Variants in ADAMTS16 observed in about 807,000 individuals in gnomAD.
The protein encoded by ADAMTS16 is A disintegrin and metalloproteinase with thrombospondin motifs 16.
In ADAMTS16, 94 loss-of-function variants were observed where a neutral mutation model predicts 145.8. That is an observed-to-expected ratio of 0.64 (90% CI 0.55 to 0.77). The LOEUF is 0.77. Among genes scored for constraint, ADAMTS16 ranks in the 30% least tolerant of loss-of-function variants. The pLI, the probability that ADAMTS16 is intolerant of heterozygous loss-of-function variation, is 0.00. For missense variants in ADAMTS16, 1,585 were observed against 1,591.5 expected (o/e 1.00, Z 0.07); for synonymous variants, 659 against 604.3 (o/e 1.09, Z -1.33).
At chr5:5,263,905 C>T (rs953253321) in intron 18 of ADAMTS16, among the ~76,000 whole-genome samples, 1 of 152,146 alleles carries the variant, frequency 6.6e-6, no homozygotes, top group Non-Finnish European at 1.5e-5. Context: ...AGAATGAGGT[C>T]ATGCTTGACC....
intron 10 of ADAMTS16, among the ~76,000 whole-genome samples, chr5:5,221,355 G>A (rs1358017388): frequency 1.3e-5 from 2 of 152,010 alleles, no homozygotes; most frequent in African/African-American, 4.8e-5. Context: ...ACATACCCGG[G>A]TGCTCGCAGC....
intron 2 of ADAMTS16, among the ~76,000 whole-genome samples, chr5:5,145,494 A>G (rs1229980426): frequency 6.6e-6 from 1 of 152,194 alleles, no homozygotes; most frequent in Non-Finnish European, 1.5e-5. Context: ...GAAATTGGCA[A>G]ATGCCAAAAT....
intron 9 of ADAMTS16, among the ~76,000 whole-genome samples, chr5:5,200,604 C>A (rs955675087): frequency 1.3e-5 from 2 of 152,174 alleles, no homozygotes; most frequent in East Asian, 3.8e-4. Context: ...ATAGAAAGAT[C>A]GTACATGTAC....
At position 5,319,161 on chromosome 5, in the gene ADAMTS16, G is replaced by T; in HGVS notation, c.*23G>T. The T allele has an allele frequency of 6.4e-7, 1 of 1,553,148 alleles. No individual in the cohort carries two copies. The stretch of plus-strand genomic sequence containing the variant: ...TGAGTTGGGACCGCTCTCCGTAGCA[G>T]AGAAAGTGCCTGCGTGGCACAGAAA... On this transcript the variant is annotated 3_prime_UTR_variant, in exon 23 of 23. Coordinates refer to ENST00000274181, the MANE Select transcript of ADAMTS16 (RefSeq NM_139056.4).
chr5:5,140,827 C>G, intron 2 of ADAMTS16, 61 bp downstream of exon 2: 1 of 1,450,406 alleles, frequency 6.9e-7, no homozygotes, highest in South Asian at 1.3e-5. Context: ...ATCTCCGTGC[C>G]GCTGGTTTAT....
intron 21 of ADAMTS16, among the ~76,000 whole-genome samples, chr5:5,313,289 G>T (rs983955954): frequency 6.6e-6 from 1 of 152,218 alleles, no homozygotes; most frequent in African/African-American, 2.4e-5. Flanking sequence ...AATGGCCCGG[G>T]CCTGGCTGAA....
At chr5:5,280,564 G>A (rs185681799) in intron 18 of ADAMTS16, among the ~76,000 whole-genome samples, 3 of 152,270 alleles carry the variant, frequency 2.0e-5, no homozygotes, top group East Asian at 1.9e-4. Context: ...CTCTGGCTGA[G>A]GTTGGTATCC....
intron 21 of ADAMTS16, among the ~76,000 whole-genome samples, chr5:5,316,325 A>G (rs1486786961): frequency 6.6e-6 from 1 of 152,062 alleles, no homozygotes; most frequent in Non-Finnish European, 1.5e-5. Flanking sequence ...TTTTTCACCC[A>G]CCATGCACCA....
intron 3 of ADAMTS16, among the ~76,000 whole-genome samples, chr5:5,169,716 C>T (rs1283461429): frequency 6.6e-6 from 1 of 152,254 alleles, no homozygotes; most frequent in South Asian, 2.1e-4. Flanking sequence ...TCTGTGGCTC[C>T]TTTTTGAGTG....
At chr5:5,259,898 C>G (rs10475292) in intron 17 of ADAMTS16, among the ~76,000 whole-genome samples, 27,430 of 151,860 alleles carry the variant, frequency 0.18, 2,599 homozygotes, top group African/African-American at 0.19. Flanking sequence ...GTGTCATCCC[C>G]TTTCAAAGGC....
intron 20 of ADAMTS16, among the ~76,000 whole-genome samples, chr5:5,305,312 C>T (rs1210009261): frequency 9.3e-6 from 1 of 107,350 alleles, no homozygotes; most frequent in Non-Finnish European, 2.0e-5. Context: ...ACACATCCCA[C>T]ACCACACACA....
chr5:5,311,321 A>AAC (rs1172171529), intron 21 of ADAMTS16, among the ~76,000 whole-genome samples: 2 of 151,002 alleles, frequency 1.3e-5, no homozygotes, highest in African/African-American at 4.9e-5. Context: ...AAAAAAACAA[A>AAC]AAAACAAAAA....
chr5:5,198,927 C>G (rs1047816563), intron 8 of ADAMTS16, among the ~76,000 whole-genome samples: 2 of 152,206 alleles, frequency 1.3e-5, no homozygotes, highest in Non-Finnish European at 2.9e-5. Context: ...TTCCCTCTCT[C>G]TTGCCTTCCC....
intron 9 of ADAMTS16, 32 bp from the exon 10 acceptor site, chr5:5,209,061 G>A (rs1478992134): frequency 1.2e-6 from 2 of 1,602,490 alleles, no homozygotes; most frequent in South Asian, 1.1e-5. Flanking sequence ...TCTACGGGCA[G>A]TTACTAGTAG....
At chr5:5,212,102 C>A (rs1208586587) in intron 10 of ADAMTS16, among the ~76,000 whole-genome samples, 1 of 151,976 alleles carries the variant, frequency 6.6e-6, no homozygotes, top group Admixed American at 6.6e-5. Context: ...CCTACTTGTT[C>A]CACCAGTTTT....
intron 17 of ADAMTS16, among the ~76,000 whole-genome samples, chr5:5,244,635 A>G (rs1391030214): frequency 6.6e-6 from 1 of 152,202 alleles, no homozygotes; most frequent in African/African-American, 2.4e-5. Context: ...TCCCATTCTT[A>G]TGTCACCCCA....
intron 10 of ADAMTS16, among the ~76,000 whole-genome samples, chr5:5,221,029 C>G (rs1736590555): frequency 6.6e-6 from 1 of 152,092 alleles, no homozygotes; most frequent in Non-Finnish European, 1.5e-5. Context: ...GTGAGCCGCC[C>G]AGGGGCTGCT....
chr5:5,257,807 C>T (rs908959239), intron 17 of ADAMTS16, among the ~76,000 whole-genome samples: 4 of 152,160 alleles, frequency 2.6e-5, no homozygotes, highest in African/African-American at 9.7e-5. Flanking sequence ...GAGCTCAATT[C>T]CCCAAGACTT....
intron 18 of ADAMTS16, among the ~76,000 whole-genome samples, chr5:5,264,895 A>G (rs17714508): frequency 0.12 from 18,167 of 152,138 alleles, 1,248 homozygotes; most frequent in Middle Eastern, 0.25. Context: ...GACACACACG[A>G]CGATGCTCCA....
Sources: gnomAD v4.1 joint callset for allele counts (sites outside exome capture counted in the v4.1 genomes callset) on GRCh38, gnomAD v4.1.1 for gene constraint, MANE v1.5 for transcripts, NCBI Gene and HGNC (gene_info 2026-07-23, HGNC 2026-07-21) for gene names.